CDH17: variants seen among roughly 807,000 people sequenced by gnomAD.
The protein encoded by CDH17 is cadherin 17.
In CDH17, 67 loss-of-function variants were observed where a neutral mutation model predicts 86.3. The observed-to-expected ratio is 0.78, with a 90% confidence interval of 0.64 to 0.95. The LOEUF is 0.95. Ranked by LOEUF, CDH17 falls within the 40% of genes least tolerant of loss-of-function variation. CDH17 has a pLI of 0.00. For missense variants in CDH17, 993 were observed against 1,017.6 expected, an observed-to-expected ratio of 0.98 and a Z score of 0.33; for synonymous variants, 367 against 366.4, an observed-to-expected ratio of 1.00 and a Z score of -0.02.
At chr8:94,174,863 T>G (rs149286548) in intron 5 of CDH17, among the ~76,000 whole-genome samples, 1 of 152,220 alleles carries the variant, frequency 6.6e-6, no homozygotes, top group Non-Finnish European at 1.5e-5. Context: ...TTTTTCTTAC[T>G]ATTTTTGTCT....
intron 15 of CDH17, among the ~76,000 whole-genome samples, chr8:94,137,455 G>T (rs753602493): frequency 6.6e-6 from 1 of 152,200 alleles, no homozygotes; most frequent in Non-Finnish European, 1.5e-5. Flanking sequence ...CCAGGCACGG[G>T]AGAGAATCTC....
At position 94,130,717 on chromosome 8, in the gene CDH17, T is replaced by C. The variant is rs773777280; in HGVS notation, c.2307A>G (p.Glu769=). The C allele has an allele frequency of 1.2e-6, 2 of 1,613,964 alleles. No homozygotes were observed. The highest frequency in any genetic ancestry group is 2.2e-5 in the South Asian group (2 of 91,074). Residue 769 remains glutamate (E), a synonymous_variant, in exon 17 of 18, where the codon GAA becomes GAG. Transcript: ENST00000027335. ...GACCTGCTGGCCGGAAACAACTTCCTTCCACACAACTGCAGAATGTAACTG... is the reference window on the plus strand; with the variant it reads ...GACCTGCTGGCCGGAAACAACTTCCCTCCACACAACTGCAGAATGTAACTG... ...SLPVTFCSCV[E]GSCFRPAGHQ...
chr8:94,131,060 T>G, intron 15 of CDH17, 68 bp from the exon 16 acceptor site: 1 of 831,274 alleles, frequency 1.2e-6, no homozygotes, highest in South Asian at 1.5e-5. Context: ...TAAAGCTCAT[T>G]TTGTATCACA....
At chr8:94,165,343 G>A (rs1212354063) in intron 10 of CDH17, among the ~76,000 whole-genome samples, 1 of 152,118 alleles carries the variant, frequency 6.6e-6, no homozygotes, top group Admixed American at 6.5e-5. Flanking sequence ...GCTGTGCCAA[G>A]CTTTCCTCAG....
chr8:94,187,657 G>A (rs1374830216), intron 3 of CDH17, among the ~76,000 whole-genome samples: 2 of 151,836 alleles, frequency 1.3e-5, no homozygotes, highest in Non-Finnish European at 2.9e-5. Context: ...AGGAGTCAGG[G>A]TCCTCCCTGT....
chr8:94,166,262 G>A (rs1055257437), intron 9 of CDH17, among the ~76,000 whole-genome samples: 4 of 152,186 alleles, frequency 2.6e-5, no homozygotes, highest in African/African-American at 9.7e-5. Flanking sequence ...GCTGGGGTTG[G>A]TTTCTTCCGA....
intron 13 of CDH17, among the ~76,000 whole-genome samples, chr8:94,151,420 G>A (rs1812853475): frequency 6.6e-6 from 1 of 152,192 alleles, no homozygotes; most frequent in Non-Finnish European, 1.5e-5. Flanking sequence ...CCTACATCCA[G>A]AAGATTCCCT....
intron 3 of CDH17, among the ~76,000 whole-genome samples, chr8:94,184,196 CCTG>C (rs1310849148): frequency 6.7e-6 from 1 of 148,382 alleles, no homozygotes; most frequent in African/African-American, 2.6e-5. Flanking sequence ...ACCCAGCAGT[CCTG>C]CTACTGAGTG....
At chr8:94,157,703 G>T (rs952136802) in intron 12 of CDH17, among the ~76,000 whole-genome samples, 3 of 152,154 alleles carry the variant, frequency 2.0e-5, no homozygotes, top group African/African-American at 7.2e-5. Context: ...GATCACTTGA[G>T]CCCAGGAGTT....
intron 12 of CDH17, among the ~76,000 whole-genome samples, chr8:94,153,794 G>T (rs1466759607): frequency 6.6e-6 from 1 of 152,134 alleles, no homozygotes; most frequent in Non-Finnish European, 1.5e-5. Context: ...AAATAAGCCA[G>T]GCATGAAAAG....
chr8:94,212,668 A>G (rs1814141189), upstream of CDH17, among the ~76,000 whole-genome samples: 1 of 152,230 alleles, frequency 6.6e-6, no homozygotes, highest in Non-Finnish European at 1.5e-5. Context: ...TCTGAAAAAT[A>G]TTTAAGGAAG....
intron 17 of CDH17, among the ~76,000 whole-genome samples, chr8:94,130,064 AG>A (rs1356791969): frequency 6.6e-6 from 1 of 152,234 alleles, no homozygotes; most frequent in Admixed American, 6.5e-5. Flanking sequence ...CAGCTAGATC[AG>A]GGGACTGTAC....
chr8:94,169,629 G>T (rs1813229008), intron 9 of CDH17, among the ~76,000 whole-genome samples: 1 of 152,120 alleles, frequency 6.6e-6, no homozygotes, highest in South Asian at 2.1e-4. Flanking sequence ...CCTCTGAAAG[G>T]TACACAGCAC....
upstream of CDH17, among the ~76,000 whole-genome samples, chr8:94,212,328 T>C (rs1013353537): frequency 6.6e-6 from 1 of 152,094 alleles, no homozygotes; most frequent in Non-Finnish European, 1.5e-5. Context: ...ATTTTTTTTG[T>C]AGAGATGGGG....
chr8:94,184,038 A>AT (rs1813531098), intron 3 of CDH17, among the ~76,000 whole-genome samples: 1 of 150,508 alleles, frequency 6.6e-6, no homozygotes, highest in African/African-American at 2.5e-5. Flanking sequence ...GATAGCTATA[A>AT]TTAAAAAAAA....
intron 15 of CDH17, among the ~76,000 whole-genome samples, chr8:94,144,385 G>A (rs1388984476): frequency 6.6e-6 from 1 of 152,094 alleles, no homozygotes; most frequent in Non-Finnish European, 1.5e-5. Context: ...AAATGTGACA[G>A]ACATACAAAG....
chr8:94,177,873 G>C, intron 3 of CDH17, 152 bp from the exon 4 acceptor site: 1 of 691,604 alleles, frequency 1.4e-6, no homozygotes, highest in Non-Finnish European at 2.4e-6. Flanking sequence ...CTAAAAGTTT[G>C]TTTGCACAAT....
chr8:94,202,850 C>T, intron 1 of CDH17: 1 of 200,326 alleles, frequency 5.0e-6, no homozygotes, highest in Non-Finnish European at 1.0e-5. Flanking sequence ...AGCTAAGTAC[C>T]TCCTCTCGTA....
Position 94,148,716 on chromosome 8 carries a change from TTTTTG to T in CDH17, c.1927+23_1927+27del, listed in dbSNP as rs759517087. The T allele has an allele frequency of 7.1e-4, 997 of 1,398,390 alleles. 1 individual carries two copies. Among genetic ancestry groups the T allele is most frequent in the East Asian group, 1.6e-3 (57 of 35,348 alleles). 86.6% of individuals were successfully genotyped at this position (1,398,390 alleles called of 1,614,324 possible). The stretch of plus-strand genomic sequence containing the variant: ...TCTTCTGATAATCTGTGTTCCTTTT[TTTTTG>T]TTTTTTTTTTTTTTTTGCTTACCTA... On this transcript the variant is annotated intron_variant, in intron 14 of 17. Transcript: ENST00000027335.
Sources: allele counts gnomAD v4.1 joint callset (sites outside exome capture counted in the v4.1 genomes callset), GRCh38; gene constraint gnomAD v4.1.1; transcripts MANE v1.5; gene names NCBI Gene and HGNC (gene_info 2026-07-23, HGNC 2026-07-21).